The following TERF2 variants were observed in gnomAD, a reference collection of about 807,000 sequenced individuals.
The protein encoded by TERF2 is telomeric repeat binding factor 2, also known as telomeric repeat-binding factor 2.
A neutral mutation model predicts 56.1 loss-of-function variants in TERF2; 16 were observed. That is an observed-to-expected ratio of 0.29 (90% CI 0.19 to 0.43). The LOEUF is 0.43. Among genes scored for constraint, TERF2 ranks in the 20% least tolerant of loss-of-function variants. The probability of loss-of-function intolerance (pLI) is 1.00; values close to 1 mark genes in which losing one functional copy is unlikely to be tolerated. For synonymous variants in TERF2, 296 were observed against 282.1 expected (o/e 1.05, Z -0.50); for missense variants, 547 against 712.9 (o/e 0.77, Z 2.65).
At chr16:69,369,416 A>G (rs559214821) in intron 5 of TERF2, among the ~76,000 whole-genome samples, 2 of 152,184 alleles carry the variant, frequency 1.3e-5, no homozygotes, top group East Asian at 1.9e-4. Flanking sequence ...TTCCCACTTC[A>G]GCCTCCCAAG....
At position 69,367,003 on chromosome 16, in the gene TERF2, C is replaced by T; in HGVS notation, c.1144G>A (p.Ala382Thr). 3 of 1,614,244 alleles carry T rather than the reference C, an allele frequency of 1.9e-6. No homozygotes were observed. Among genetic ancestry groups the T allele is most frequent in the Non-Finnish European group, 2.5e-6 (3 of 1,180,046 alleles). The change falls in exon 7 of 10, where the codon GCC becomes ACC. Residue 382 changes from alanine to threonine, a missense_variant. Ala to Thr is a moderately conservative substitution (Grantham distance 58, BLOSUM62 0). Around this residue, in one of 6 missense-constraint regions of TERF2, gnomAD observed 211 missense variants for 236.8 expected, o/e 0.89. Coordinates refer to ENST00000254942, the MANE Select transcript of TERF2 (RefSeq NM_005652.5). ...RPRKDENESS[A>T]PADGEGGSEL... is the part of the protein sequence containing the mutation. ...GAGCCACCCTCACCGTCAGCCGGGG[C>T]TGAACTTTCGTTTTCATCTTTTCTG...
intron 7 of TERF2, among the ~76,000 whole-genome samples, chr16:69,363,573 C>T (rs1052364762): frequency 1.3e-5 from 2 of 152,142 alleles, no homozygotes; most frequent in Non-Finnish European, 2.9e-5. Flanking sequence ...GAGCAATGGT[C>T]TAGCAAGTGT....
At chr16:69,382,320 G>A (rs1041979041) in intron 3 of TERF2, among the ~76,000 whole-genome samples, 9 of 152,204 alleles carry the variant, frequency 5.9e-5, no homozygotes, top group African/African-American at 1.4e-4. Context: ...GAACCTAGGC[G>A]TCTGTAGAAT....
At chr16:69,360,114 C>T (rs867789126) in intron 8 of TERF2, among the ~76,000 whole-genome samples, 14 of 151,076 alleles carry the variant, frequency 9.3e-5, no homozygotes, top group Non-Finnish European at 1.6e-4. Context: ...TGGGTCTGGG[C>T]GGTGGCTCAC....
chr16:69,370,360 A>G (rs2013519838), intron 5 of TERF2, 123 bp downstream of exon 5: 1 of 1,331,398 alleles, frequency 7.5e-7, no homozygotes, highest in African/African-American at 1.5e-5. Flanking sequence ...CATTTAATTA[A>G]GAAAGCTAGT....
intron 3 of TERF2, among the ~76,000 whole-genome samples, chr16:69,378,732 AC>A (rs1235349505): frequency 1.5e-4 from 23 of 152,220 alleles, no homozygotes; most frequent in African/African-American, 5.5e-4. Flanking sequence ...TCAGATAGCT[AC>A]TCCATGCATT....
chr16:69,385,452 G>C lies in TERF2; in HGVS notation c.414C>G (p.Thr138=). Residue 138 remains threonine, a synonymous_variant, in exon 2 of 10, where the codon ACC becomes ACG. Coordinates refer to ENST00000254942, the MANE Select transcript of TERF2 (RefSeq NM_005652.5). ...GCATAACCCGCAGCAATCGGGACACGGTGTGCTCCTTCCCCAAGGGCCTGA... is the reference window on the plus strand; with the variant it reads ...GCATAACCCGCAGCAATCGGGACACCGTGTGCTCCTTCCCCAAGGGCCTGA... ...LLVRPLGKEH[T]VSRLLRVMQC... The C allele has an allele frequency of 6.2e-7, 1 of 1,614,072 alleles. No individual in the cohort carries two copies. Among genetic ancestry groups the C allele is most frequent in the Non-Finnish European group, 8.5e-7 (1 of 1,180,020 alleles).
chr16:69,378,895 T>G (rs1309411493), intron 3 of TERF2, among the ~76,000 whole-genome samples: 1 of 150,844 alleles, frequency 6.6e-6, no homozygotes, highest in Non-Finnish European at 1.5e-5. Flanking sequence ...TGAAGAAGTC[T>G]GCTTCAAAGG....
At chr16:69,374,810 C>T in intron 3 of TERF2, among the ~76,000 whole-genome samples, 1 of 151,674 alleles carries the variant, frequency 6.6e-6, no homozygotes, top group East Asian at 1.9e-4. Context: ...ACTTAAAATA[C>T]AAAAATTAGA....
At chr16:69,376,430 C>T (rs1282741400) in intron 3 of TERF2, among the ~76,000 whole-genome samples, 1 of 152,104 alleles carries the variant, frequency 6.6e-6, no homozygotes, top group Non-Finnish European at 1.5e-5. Flanking sequence ...CTGTAACTTT[C>T]TCATAATTCT....
chr16:69,374,450 T>G (rs1332352193), intron 3 of TERF2, among the ~76,000 whole-genome samples: 2 of 150,192 alleles, frequency 1.3e-5, no homozygotes, highest in Admixed American at 6.6e-5. Context: ...GGCAACACAG[T>G]GAAAACCCAT....
At chr16:69,365,307 C>G (rs1187192507) in intron 7 of TERF2, 1 of 152,244 alleles carries the variant, frequency 6.6e-6, no homozygotes, top group Non-Finnish European at 1.5e-5. Flanking sequence ...TGACTCACTT[C>G]TACATACAAG....
Position 69,384,602 on chromosome 16 carries a change from C to A in TERF2, c.584G>T (p.Ser195Ile). The change falls in exon 3 of 10, where the codon AGT becomes ATT. Residue 195 changes from serine to isoleucine, a missense_variant. Ser to Ile is a moderately radical substitution (Grantham distance 142). This residue lies in a region of TERF2 where 97 missense variants were observed against 157.0 expected (regional missense o/e 0.62). Coordinates refer to ENST00000254942, the MANE Select transcript of TERF2 (RefSeq NM_005652.5). ...FTLTEAVVES[S>I]RKLVKEAAVI... ...TACAGCTTCCTTGACCAGTTTTCTA[C>A]TGGATTCGACCACTGCTTCTGTCAG... The A allele has an allele frequency of 6.2e-7, 1 of 1,613,424 alleles. No individual in the cohort carries two copies. Among genetic ancestry groups the A allele is most frequent in the Non-Finnish European group, 8.5e-7 (1 of 1,179,844 alleles).
At chr16:69,368,550 C>T in intron 5 of TERF2, 68 bp from the exon 6 acceptor site, 3 of 1,592,828 alleles carry the variant, frequency 1.9e-6, no homozygotes, top group Non-Finnish European at 8.5e-7. Context: ...GCTTCTTTCA[C>T]CAAGAATATA....
At chr16:69,377,849 T>C (rs2142757973) in intron 3 of TERF2, among the ~76,000 whole-genome samples, 1 of 152,312 alleles carries the variant, frequency 6.6e-6, no homozygotes, top group African/African-American at 2.4e-5. Context: ...AGGATTTTTT[T>C]TTTTGTATAC....
At chr16:69,373,923 G>A (rs937493130) in intron 3 of TERF2, among the ~76,000 whole-genome samples, 3 of 152,228 alleles carry the variant, frequency 2.0e-5, no homozygotes, top group Admixed American at 1.3e-4. Flanking sequence ...GGGAAGAATA[G>A]CAAGGAAATT....
chr16:69,360,340 G>A (rs977023694), intron 8 of TERF2, among the ~76,000 whole-genome samples: 3 of 150,944 alleles, frequency 2.0e-5, no homozygotes, highest in South Asian at 2.1e-4. Context: ...AGCCGAGATC[G>A]CACCATTGCA....
chr16:69,370,847 G>GCATA (rs1186674899), intron 4 of TERF2, among the ~76,000 whole-genome samples: 2 of 152,076 alleles, frequency 1.3e-5, no homozygotes, highest in Non-Finnish European at 2.9e-5. Flanking sequence ...AGATAAAGAA[G>GCATA]TTCCTTATAT....
At position 69,356,072 on chromosome 16, in the gene TERF2, A is replaced by G; in HGVS notation, c.*826T>C. The G allele has an allele frequency of 2.6e-6, 1 of 379,930 alleles. No individual in the cohort carries two copies. Among genetic ancestry groups the G allele is most frequent in the Non-Finnish European group, 5.2e-6 (1 of 192,970 alleles). 23.5% of individuals were successfully genotyped at this position (379,930 alleles called of 1,614,324 possible). On this transcript the variant is annotated 3_prime_UTR_variant, in exon 10 of 10. Transcript: ENST00000254942. ...TAGGGTTGATGTCACGACTGGCTAA[A>G]GAGTTTTTAAAGGGAATCTTATTCC... is the stretch of plus-strand genomic sequence containing the variant.
Sources: gnomAD v4.1 joint callset for allele counts (sites outside exome capture counted in the v4.1 genomes callset) on GRCh38, gnomAD v4.1.1 for gene constraint, gnomAD v4.1.1 regional missense constraint, MANE v1.5 for transcripts, NCBI Gene and HGNC (gene_info 2026-07-23, HGNC 2026-07-21) for gene names.